TM9SF3: variants seen among roughly 807,000 people sequenced by gnomAD.
TM9SF3 encodes the protein transmembrane 9 superfamily member 3.
A neutral mutation model predicts 78.6 loss-of-function variants in TM9SF3; 14 were observed. The observed-to-expected ratio is 0.18, with a 90% CI of 0.12 to 0.28. TM9SF3 has a LOEUF of 0.28. Among genes scored for constraint, TM9SF3 ranks in the 10% least tolerant of loss-of-function variants. TM9SF3 has a pLI of 1.00. For missense variants in TM9SF3, 496 were observed against 721.9 expected, an observed-to-expected ratio of 0.69 and a Z score of 3.59; for synonymous variants, 231 against 241.7, an observed-to-expected ratio of 0.96 and a Z score of 0.41.
In TM9SF3 at chr10:96,586,780, A is replaced by G. The variant is rs904261278; in HGVS notation, c.56T>C (p.Leu19Pro). 3.2e-5 allele frequency: 41 copies of G among 1,288,276 alleles called. No individual in the cohort carries two copies. In the Admixed American group the frequency reaches 4.0e-4, roughly 12 times the overall value. The allele number at this position is 1,288,276 out of a possible 1,614,324, so 79.8% of individuals were successfully genotyped here. Reference sequence around the variant, plus strand: ...CCGGGTCCGGGGCAGCAGCAGCAGCAGCAGCCACAGCGCGGCGGCCGCCGC... The same window carrying G: ...CCGGGTCCGGGGCAGCAGCAGCAGCGGCAGCCACAGCGCGGCGGCCGCCGC... ...GVAAAAALWLLLLLLPRTRAD... is the reference protein window; with the variant it reads ...GVAAAAALWLPLLLLPRTRAD... Residue 19 changes from leucine (L) to proline (P), a missense_variant, in exon 1 of 15, where the codon CTG becomes CCG. By Grantham distance (98) the Leu-to-Pro change is moderately conservative. This residue lies in a region of TM9SF3 where 58 missense variants were observed against 32.9 expected (regional missense o/e 1.76). Transcript: ENST00000371142.
intron 9 of TM9SF3, among the ~76,000 whole-genome samples, chr10:96,537,062 T>G (rs188582868): frequency 5.7e-4 from 87 of 152,344 alleles, no homozygotes; most frequent in Middle Eastern, 3.4e-3. Flanking sequence ...TCAGTGAGGC[T>G]TCCAGTCAAC....
At chr10:96,547,809 G>A in intron 8 of TM9SF3, 86 bp downstream of exon 8, 1 of 1,119,134 alleles carries the variant, frequency 8.9e-7, no homozygotes, top group East Asian at 2.4e-5. Flanking sequence ...GATGGAGTGA[G>A]ACTCTCTCAA....
chr10:96,562,718 G>A (rs1339155855), intron 3 of TM9SF3, among the ~76,000 whole-genome samples: 2 of 152,100 alleles, frequency 1.3e-5, no homozygotes, highest in African/African-American at 4.8e-5. Flanking sequence ...AAGATAAATG[G>A]TAATAAGGAT....
In TM9SF3 at chr10:96,573,913, C is replaced by G. The variant is rs528200017; in HGVS notation, c.298+2721G>C. 1.6e-3 allele frequency among the ~76,000 whole-genome samples: 242 copies of G among 152,244 alleles called. 2 individuals carry two copies. The highest frequency in any genetic ancestry group is 3.1e-3 in the Non-Finnish European group (209 of 68,008). On this transcript the variant is annotated intron_variant, in intron 2 of 14. Transcript: ENST00000371142. ...CTGGACCCCTTCCTTACACCTTAAG[C>G]AAAAATTAACTCGAGATGGATTAAA...
At position 96,538,705 on chromosome 10, in the gene TM9SF3, T is replaced by C. The variant is rs533134543; in HGVS notation, c.1185+5371A>G. Among the ~76,000 whole-genome samples, 242 of 152,226 alleles carry C rather than the reference T, an allele frequency of 1.6e-3. 1 individual carries two copies. The highest frequency in any genetic ancestry group is 3.4e-3 in the Middle Eastern group (1 of 294). Reference sequence around the variant, plus strand: ...TCAATAAGAAGACAATCTATTAAAATAGGCAAAAGATCTGAACATTCATTA... The same window carrying C: ...TCAATAAGAAGACAATCTATTAAAACAGGCAAAAGATCTGAACATTCATTA... On this transcript the variant is annotated intron_variant, in intron 9 of 14. Coordinates refer to ENST00000371142, the MANE Select transcript of TM9SF3 (RefSeq NM_020123.4).
At chr10:96,540,413 T>C (rs1055506523) in intron 9 of TM9SF3, among the ~76,000 whole-genome samples, 1 of 152,236 alleles carries the variant, frequency 6.6e-6, no homozygotes, top group African/African-American at 2.4e-5. Flanking sequence ...CTTAATGTGA[T>C]CTCTCGGTAT....
At chr10:96,562,725 G>A (rs1438406526) in intron 3 of TM9SF3, among the ~76,000 whole-genome samples, 1 of 152,078 alleles carries the variant, frequency 6.6e-6, no homozygotes. Flanking sequence ...ATGGTAATAA[G>A]GATACAGTTT....
chr10:96,552,521 C>CT (rs1196055853), intron 6 of TM9SF3, among the ~76,000 whole-genome samples: 3 of 152,074 alleles, frequency 2.0e-5, no homozygotes, highest in African/African-American at 7.2e-5. Context: ...TTTTTGTTCT[C>CT]TAACTTAGTA....
At chr10:96,551,588 T>A (rs1440749064) in intron 6 of TM9SF3, among the ~76,000 whole-genome samples, 177 bp from the exon 7 acceptor site, 1 of 152,208 alleles carries the variant, frequency 6.6e-6, no homozygotes, top group East Asian at 1.9e-4. Flanking sequence ...AATAACAATG[T>A]TAAAATGCTG....
rs957501302 is a variant in TM9SF3 at position 96,521,027 on chromosome 10, CT to C, written c.*1235del. On this transcript the variant is annotated 3_prime_UTR_variant, in exon 15 of 15. Transcript: ENST00000371142. The stretch of plus-strand genomic sequence containing the variant: ...ATTTGAACATTCTAAAGCAATAATG[CT>C]TTAGATGTTACTTAAGTGTCCCAGA... 768 of 394,180 alleles carry C rather than the reference CT, an allele frequency of 1.9e-3. 6 individuals are homozygous for C. Among genetic ancestry groups the C allele is most frequent in the Non-Finnish European group, 4.6e-4 (102 of 222,508 alleles). 24.4% of individuals were successfully genotyped at this position (394,180 alleles called of 1,614,324 possible).
rs758767065 is a variant in TM9SF3, at chr10:96,527,283, A to G, written c.1632T>C (p.Tyr544=). The G allele has an allele frequency of 6.2e-7, 1 of 1,611,484 alleles. No homozygotes were observed. The highest frequency in any genetic ancestry group is 8.5e-7 in the Non-Finnish European group (1 of 1,178,474). Residue 544 remains tyrosine (Y), a synonymous_variant, in exon 14 of 15, where the codon TAT becomes TAC. Transcript: ENST00000371142. ...AGTAAAATGATGTTTGAAATAAGCCATACATCCTGAAATAAAACAAAATAT... is the reference window on the plus strand; with the variant it reads ...AGTAAAATGATGTTTGAAATAAGCCGTACATCCTGAAATAAAACAAAATAT... The part of the protein sequence containing the change: ...FYYYFFKTKM[Y]GLFQTSFYFG...
rs113790913 is a variant in TM9SF3, at chr10:96,552,368, G to C, written c.792+560C>G. Among the ~76,000 whole-genome samples, 1,209 of 152,192 alleles carry C rather than the reference G, an allele frequency of 7.9e-3. 20 individuals carry two copies. Among genetic ancestry groups the C allele is most frequent in the African/African-American group, 0.028 (1,158 of 41,520 alleles). On this transcript the variant is annotated intron_variant, in intron 6 of 14. Transcript: ENST00000371142. ...GGAGGCTGAGGTGGCACGATCACTT[G>C]AGCTCTTGAGTTTGAAGTTACAGTG...
intron 8 of TM9SF3, among the ~76,000 whole-genome samples, chr10:96,547,074 T>C (rs775016681): frequency 1.3e-5 from 2 of 152,228 alleles, no homozygotes; most frequent in Non-Finnish European, 2.9e-5. Context: ...TTTCAGGTAA[T>C]AGTAGTAAAG....
Position 96,547,816 on chromosome 10 carries a change from T to C in TM9SF3, c.1054+79A>G, listed in dbSNP as rs1317744049. 5 of 1,277,802 alleles carry C rather than the reference T, an allele frequency of 3.9e-6. No homozygotes were observed. The East Asian group carries it at 1.2e-4, about 30-fold the overall frequency. The allele number at this position is 1,277,802 out of a possible 1,614,324, so 79.2% of individuals were successfully genotyped here. On this transcript the variant is annotated intron_variant, in intron 8 of 14. Coordinates refer to ENST00000371142, the MANE Select transcript of TM9SF3 (RefSeq NM_020123.4). ...GCCTGGGTGATGGAGTGAGACTCTC[T>C]CAAAACAAACAAAAAAAATCTCATA...
intron 14 of TM9SF3, among the ~76,000 whole-genome samples, chr10:96,525,102 A>G (rs1847822657): frequency 6.6e-6 from 1 of 152,018 alleles, no homozygotes; most frequent in Non-Finnish European, 1.5e-5. Flanking sequence ...AAGTCAAGAA[A>G]AATTTTTTTA....
Position 96,533,035 on chromosome 10 carries a change from T to C in TM9SF3, c.1325+16A>G. On this transcript the variant is annotated intron_variant, in intron 10 of 14. Coordinates refer to ENST00000371142, the MANE Select transcript of TM9SF3 (RefSeq NM_020123.4). Reference sequence around the variant, plus strand: ...ATTGTGTGAAACAATCGCATAAGATTTAGCATTCTCTTTACCATTTTTTCT... The same window carrying C: ...ATTGTGTGAAACAATCGCATAAGATCTAGCATTCTCTTTACCATTTTTTCT... 6.2e-7 allele frequency: 1 copy of C among 1,613,288 alleles called. No individual in the cohort carries two copies. Among genetic ancestry groups the C allele is most frequent in the Non-Finnish European group, 8.5e-7 (1 of 1,179,606 alleles).
At chr10:96,524,817 T>C (rs1847820210) in intron 14 of TM9SF3, among the ~76,000 whole-genome samples, 1 of 151,942 alleles carries the variant, frequency 6.6e-6, no homozygotes, top group African/African-American at 2.4e-5. Context: ...ATTTTTGTAT[T>C]ATGATGACAT....
intron 5 of TM9SF3, among the ~76,000 whole-genome samples, chr10:96,559,428 TC>T (rs869304487): frequency 2.7e-4 from 1 of 3,676 alleles, no homozygotes; most frequent in Non-Finnish European, 1.0e-3. Flanking sequence ...GTTATATTCT[TC>T]GTTTATCTCT....
At position 96,547,886 on chromosome 10, in the gene TM9SF3, G is replaced by A. The variant is rs369995315; in HGVS notation, c.1054+9C>T. 45 of 1,593,320 alleles carry A rather than the reference G, an allele frequency of 2.8e-5. No homozygotes were observed. The Middle Eastern group carries it at 5.0e-4, about 18-fold the overall frequency. ...AATTAACAACATGAAGTGAGAATTCGTAAGTTACCTCCTTGTCTAGCATAC... is the reference window on the plus strand; with the variant it reads ...AATTAACAACATGAAGTGAGAATTCATAAGTTACCTCCTTGTCTAGCATAC... On this transcript the variant is annotated intron_variant, in intron 8 of 14. Transcript: ENST00000371142.
Sources: allele counts gnomAD v4.1 joint callset (sites outside exome capture counted in the v4.1 genomes callset), GRCh38; gene constraint gnomAD v4.1.1; regional missense constraint gnomAD v4.1.1; transcripts MANE v1.5; gene names NCBI Gene and HGNC (gene_info 2026-07-23, HGNC 2026-07-21).